Variants in ZFHX4 observed in about 807,000 individuals in gnomAD.
ZFHX4 encodes zinc finger homeobox 4.
In ZFHX4, 56 loss-of-function variants were observed where a neutral mutation model predicts 267.6. The ratio of observed to expected loss-of-function variants is 0.21; its 90% CI spans 0.17 to 0.26. The LOEUF is 0.26. Ranked by LOEUF, ZFHX4 falls within the 10% of genes least tolerant of loss-of-function variation. The pLI is 1.00. For synonymous variants in ZFHX4, 1,778 were observed against 1,665.6 expected, an observed-to-expected ratio of 1.07 and a Z score of -1.64; for missense variants, 4,332 against 4,420.0, an observed-to-expected ratio of 0.98 and a Z score of 0.56.
At chr8:76,757,044 C>T (rs1809783289) in intron 3 of ZFHX4, among the ~76,000 whole-genome samples, 1 of 152,080 alleles carries the variant, frequency 6.6e-6, no homozygotes, top group Admixed American at 6.5e-5. Flanking sequence ...ACGCAGCCGA[C>T]TCTTATCTCA....
intron 4 of ZFHX4, among the ~76,000 whole-genome samples, chr8:76,807,090 T>C (rs1811264517): frequency 6.6e-6 from 1 of 152,136 alleles, no homozygotes. Flanking sequence ...TTTTAGTAAA[T>C]GTAATCATCA....
chr8:76,782,381 A>G (rs909496386), intron 4 of ZFHX4, among the ~76,000 whole-genome samples: 2 of 151,980 alleles, frequency 1.3e-5, no homozygotes, highest in Non-Finnish European at 2.9e-5. Context: ...AATAAAGTTT[A>G]AGAACAAAAG....
chr8:76,762,654 T>A (rs1585919435), intron 3 of ZFHX4, among the ~76,000 whole-genome samples: 1 of 152,188 alleles, frequency 6.6e-6, no homozygotes, highest in Middle Eastern at 3.2e-3. Flanking sequence ...CAAATAAATA[T>A]ACACAGAGCT....
chr8:76,687,846 AT>A (rs955538304), intron 1 of ZFHX4, among the ~76,000 whole-genome samples: 1 of 152,104 alleles, frequency 6.6e-6, no homozygotes, highest in African/African-American at 2.4e-5. Flanking sequence ...AAGGATTAGC[AT>A]TTTTTTGCAT....
Position 76,705,475 on chromosome 8 carries a change from A to C in ZFHX4, c.1387A>C (p.Lys463Gln), listed in dbSNP as rs577443909. The C allele has an allele frequency of 1.0e-4, 163 of 1,613,680 alleles. No individual in the cohort carries two copies. Among genetic ancestry groups the C allele is most frequent in the Admixed American group, 1.8e-4 (11 of 59,972 alleles). Residue 463 changes from lysine to glutamine, a missense_variant, in exon 2 of 11, where the codon AAA becomes CAA. By Grantham distance (53) the Lys-to-Gln change is moderately conservative. Around this residue, in one of 7 missense-constraint regions of ZFHX4, gnomAD observed 1,195 missense variants for 1,173.6 expected, o/e 1.02. Coordinates refer to ENST00000651372, the MANE Select transcript of ZFHX4 (RefSeq NM_024721.5). ...ACACCCAAACGGGGAGTGCCCTGTC[A>C]AAAGTGAACCCACTGAACCGGGAGA... ...VLHPNGECPV[K>Q]SEPTEPGDED... is the part of the protein sequence containing the mutation.
At chr8:76,731,520 TAGC>T (rs1809010749) in intron 3 of ZFHX4, among the ~76,000 whole-genome samples, 1 of 152,192 alleles carries the variant, frequency 6.6e-6, no homozygotes, top group Admixed American at 6.5e-5. Context: ...ATGCAGCTAT[TAGC>T]AGTACATGGC....
chr8:76,714,803 T>C (rs1045643630), intron 3 of ZFHX4, among the ~76,000 whole-genome samples: 2 of 152,222 alleles, frequency 1.3e-5, no homozygotes, highest in Non-Finnish European at 2.9e-5. Context: ...AAGAGTTTTC[T>C]AAGGTGATAC....
chr8:76,755,743 C>A (rs1466581994), intron 3 of ZFHX4, among the ~76,000 whole-genome samples: 2 of 152,104 alleles, frequency 1.3e-5, no homozygotes, highest in Admixed American at 1.3e-4. Flanking sequence ...GTTGTATTTG[C>A]CTTTTTAGTA....
At chr8:76,838,138 A>C (rs983565901) in intron 5 of ZFHX4, among the ~76,000 whole-genome samples, 1 of 152,176 alleles carries the variant, frequency 6.6e-6, no homozygotes, top group Non-Finnish European at 1.5e-5. Context: ...TACATATAGG[A>C]AGGGAGAAAG....
intron 3 of ZFHX4, among the ~76,000 whole-genome samples, chr8:76,736,286 A>C (rs185313575): frequency 4.5e-4 from 68 of 152,156 alleles, no homozygotes; most frequent in African/African-American, 1.5e-3. Flanking sequence ...TTGAAAAAAA[A>C]CGAGATAAAC....
At chr8:76,689,918 A>C (rs1208394422) in intron 1 of ZFHX4, among the ~76,000 whole-genome samples, 1 of 152,100 alleles carries the variant, frequency 6.6e-6, no homozygotes, top group Non-Finnish European at 1.5e-5. Context: ...GGATAAAATA[A>C]ACAAATACGA....
intron 3 of ZFHX4, among the ~76,000 whole-genome samples, chr8:76,724,325 A>C (rs1808799436): frequency 6.6e-6 from 1 of 151,962 alleles, no homozygotes; most frequent in Non-Finnish European, 1.5e-5. Context: ...TCTTCTTCAG[A>C]AGAGAGAAAC....
Position 76,705,676 on chromosome 8 carries a change from T to G in ZFHX4, c.1588T>G (p.Ser530Ala). The G allele has an allele frequency of 6.2e-7, 1 of 1,613,962 alleles. No individual in the cohort carries two copies. The highest frequency in any genetic ancestry group is 1.3e-5 in the African/African-American group (1 of 75,034). ...TACCTCGTCCTCCTCGGCGACTGTTTCTGATGACACAGAAAAGAAAAAACA... is the reference window on the plus strand; with the variant it reads ...TACCTCGTCCTCCTCGGCGACTGTTGCTGATGACACAGAAAAGAAAAAACA... ...KGTSSSSATV[S>A]DDTEKKKQTA... The change falls in exon 2 of 11, where the codon TCT (serine) becomes GCT (alanine). Residue 530 changes from serine to alanine, a missense_variant. Ser to Ala is a moderately conservative substitution (Grantham distance 99). Around this residue, in one of 7 missense-constraint regions of ZFHX4, gnomAD observed 1,195 missense variants for 1,173.6 expected, o/e 1.02. Coordinates refer to ENST00000651372, the MANE Select transcript of ZFHX4 (RefSeq NM_024721.5).
rs74655788 is a variant in ZFHX4, at chr8:76,852,776, G to A, written c.5855G>A (p.Gly1952Asp). 401 of 1,613,524 alleles carry A rather than the reference G, an allele frequency of 2.5e-4. 2 individuals are homozygous for A. In the East Asian group the frequency reaches 8.8e-3, roughly 36 times the overall value. ...GACAAACTAGAATGTGGAACATGTG[G>A]TAAATTGTTTTCCAATGTTCTTATT... is the stretch of plus-strand genomic sequence containing the variant. The part of the protein sequence containing the change: ...NTDKLECGTC[G>D]KLFSNVLILK... Residue 1952 changes from glycine (G) to aspartate (D), a missense_variant, in exon 10 of 11, where the codon GGT (glycine) becomes GAT (aspartate). This residue lies in a region of ZFHX4 where 1,371 missense variants were observed against 1,423.1 expected (regional missense o/e 0.96). Transcript: ENST00000651372.
At position 76,853,040 on chromosome 8, in the gene ZFHX4, C is replaced by A. The variant is rs1342184492; in HGVS notation, c.6119C>A (p.Pro2040His). 6 of 1,346,084 alleles carry A rather than the reference C, an allele frequency of 4.5e-6. No individual in the cohort carries two copies. Among genetic ancestry groups the A allele is most frequent in the Non-Finnish European group, 6.2e-6 (6 of 966,046 alleles). 83.4% of individuals were successfully genotyped at this position (1,346,084 alleles called of 1,614,324 possible). The change falls in exon 10 of 11, where the codon CCC (proline) becomes CAC (histidine). Residue 2040 changes from proline (P) to histidine (H), a missense_variant. Pro to His is a moderately conservative substitution (Grantham distance 77). Around this residue, in one of 7 missense-constraint regions of ZFHX4, gnomAD observed 1,371 missense variants for 1,423.1 expected, o/e 0.96. Transcript: ENST00000651372. ...TVSTPLQAPPPTPPPPPPPPP... is the reference protein window; with the variant it reads ...TVSTPLQAPPHTPPPPPPPPP... ...TCTACTCCTCTGCAAGCTCCACCAC[C>A]CACTCCTCCCCCACCACCACCACCT...
chr8:76,791,386 G>GA (rs1810832261), intron 4 of ZFHX4, among the ~76,000 whole-genome samples: 1 of 152,038 alleles, frequency 6.6e-6, no homozygotes, highest in South Asian at 2.1e-4. Context: ...TCAGTTTGGG[G>GA]AAAAAACTCC....
chr8:76,805,534 C>T (rs1042488800), intron 4 of ZFHX4, among the ~76,000 whole-genome samples: 6 of 151,150 alleles, frequency 4.0e-5, no homozygotes, highest in African/African-American at 1.2e-4. Context: ...CAAGAATCAT[C>T]AGTGAGCTCA....
At chr8:76,758,296 G>GA (rs1276030672) in intron 3 of ZFHX4, among the ~76,000 whole-genome samples, 2 of 152,124 alleles carry the variant, frequency 1.3e-5, no homozygotes, top group Non-Finnish European at 2.9e-5. Flanking sequence ...AAAGGTACAT[G>GA]AAAAATTACC....
Position 76,853,713 on chromosome 8 carries a change from T to A in ZFHX4, c.6792T>A (p.Asn2264Lys), listed in dbSNP as rs377402655. The change falls in exon 10 of 11, where the codon AAT (asparagine) becomes AAA (lysine). Residue 2264 changes from asparagine to lysine, a missense_variant. Asn to Lys is a moderately conservative substitution (Grantham distance 94). Transcript: ENST00000651372. ...DEIEQLSTVL[N>K]LPTRVIVVWF... is the part of the protein sequence containing the mutation. ...TAGAACAACTCTCCACTGTTCTCAA[T>A]CTGCCTACCCGGGTTATTGTTGTAT... is the stretch of plus-strand genomic sequence containing the variant. 6.2e-7 allele frequency: 1 copy of A among 1,613,676 alleles called. No individual in the cohort carries two copies. Among genetic ancestry groups the A allele is most frequent in the African/African-American group, 1.3e-5 (1 of 74,888 alleles).
Sources: allele counts gnomAD v4.1 joint callset (sites outside exome capture counted in the v4.1 genomes callset), GRCh38; gene constraint gnomAD v4.1.1; regional missense constraint gnomAD v4.1.1; transcripts MANE v1.5; gene names NCBI Gene and HGNC (gene_info 2026-07-23, HGNC 2026-07-21).